Variants in WDR41 observed in about 807,000 individuals in gnomAD.
The protein encoded by WDR41 is WD repeat domain 41.
WDR41 carries 63 observed loss-of-function variants against 69.3 expected under a neutral mutation model. The ratio of observed to expected loss-of-function variants is 0.91; its 90% confidence interval spans 0.74 to 1.12. The LOEUF is 1.12. WDR41 is among the 50% of genes most tolerant of loss of function. The pLI, the probability that WDR41 is intolerant of heterozygous loss-of-function variation, is 0.00. For missense variants in WDR41, 543 were observed against 534.5 expected (o/e 1.02, Z -0.16); for synonymous variants, 185 against 192.1 (o/e 0.96, Z 0.31).
At chr5:77,594,037 C>T (rs1744175883) in intron 1 of WDR41, among the ~76,000 whole-genome samples, 1 of 151,854 alleles carries the variant, frequency 6.6e-6, no homozygotes, top group Non-Finnish European at 1.5e-5. Flanking sequence ...ATGATAGATA[C>T]ATAGATAGAT....
rs1485779848 is a variant in WDR41 at position 77,489,936 on chromosome 5, G to C, written c.52-364C>G. On this transcript the variant is annotated intron_variant, in intron 1 of 12. Transcript: ENST00000296679. ...AACATTTTAGAATGCATGTTTCTCA[G>C]TTAAAATGTGGCAGAAACAAAACTG... Among the ~76,000 whole-genome samples, 6 of 152,254 alleles carry C rather than the reference G, an allele frequency of 3.9e-5. No individual in the cohort carries two copies. In the East Asian group the frequency reaches 9.7e-4, roughly 24 times the overall value.
chr5:77,593,994 C>T (rs1744175268), intron 1 of WDR41, among the ~76,000 whole-genome samples: 1 of 151,612 alleles, frequency 6.6e-6, no homozygotes, highest in African/African-American at 2.4e-5. Context: ...GCAGGACTAC[C>T]TCAAAATAAG....
At chr5:77,518,658 T>G (rs1443385849) in intron 1 of WDR41, among the ~76,000 whole-genome samples, 1 of 152,148 alleles carries the variant, frequency 6.6e-6, no homozygotes, top group Non-Finnish European at 1.5e-5. Flanking sequence ...TTAATTTGTT[T>G]ATTTATTCAT....
rs1554032661 is a variant in WDR41, at chr5:77,489,581, G to GA, written c.52-10dup. The GA allele has an allele frequency of 0.017, 17,041 of 991,896 alleles. 1 individual carries two copies. The highest frequency in any genetic ancestry group is 0.019 in the Non-Finnish European group (14,094 of 724,502). 61.4% of individuals were successfully genotyped at this position (991,896 alleles called of 1,614,324 possible). A position where few individuals can be genotyped will look rare whatever the true frequency, so the allele number is the denominator to read the frequency against. Reference sequence around the variant, plus strand: ...GTCTGTAAAGGAGATTTCTTGTATTGAAAAAAAAAAAAAAGCAAAAAACAA... The same window carrying GA: ...GTCTGTAAAGGAGATTTCTTGTATTGAAAAAAAAAAAAAAAGCAAAAAACAA... On this transcript the variant is annotated splice_polypyrimidine_tract_variant and intron_variant, in intron 1 of 12. Transcript: ENST00000296679.
chr5:77,514,897 A>G (rs1431878992), intron 1 of WDR41, among the ~76,000 whole-genome samples: 1 of 152,206 alleles, frequency 6.6e-6, no homozygotes, highest in Non-Finnish European at 1.5e-5. Context: ...AAAAGGGTCT[A>G]CTTGTATAGA....
intron 2 of WDR41, among the ~76,000 whole-genome samples, chr5:77,471,074 G>A (rs566078976): frequency 3.3e-4 from 50 of 152,242 alleles, no homozygotes; most frequent in African/African-American, 1.2e-3. Context: ...ATAACAAAAT[G>A]TCTCTCAGAC....
chr5:77,618,625 G>A (rs952783969), intron 1 of WDR41, among the ~76,000 whole-genome samples: 1 of 152,068 alleles, frequency 6.6e-6, no homozygotes, highest in Non-Finnish European at 1.5e-5. Context: ...CACCTGCCTC[G>A]GCCTCCTGAA....
At chr5:77,509,914 C>A (rs1007730864) in intron 1 of WDR41, among the ~76,000 whole-genome samples, 1 of 152,186 alleles carries the variant, frequency 6.6e-6, no homozygotes, top group African/African-American at 2.4e-5. Context: ...CTGAAGTTGT[C>A]ATTGAATCTT....
At chr5:77,434,070 C>G (rs982909411) in intron 12 of WDR41, among the ~76,000 whole-genome samples, 2 of 152,194 alleles carry the variant, frequency 1.3e-5, no homozygotes, top group African/African-American at 4.8e-5. Flanking sequence ...TGGCTCACAC[C>G]TGTAATCTCA....
At chr5:77,447,094 C>G (rs1799414692) in intron 8 of WDR41, among the ~76,000 whole-genome samples, 2 of 152,102 alleles carry the variant, frequency 1.3e-5, no homozygotes, top group African/African-American at 2.4e-5. Context: ...ACAACCCCAT[C>G]AAAAAGTGGG....
chr5:77,452,146 T>C (rs1799652904), intron 6 of WDR41: 1 of 152,160 alleles, frequency 6.6e-6, no homozygotes, highest in African/African-American at 2.4e-5. Context: ...TGTTGTGATT[T>C]GGATAGTATT....
intron 1 of WDR41, among the ~76,000 whole-genome samples, chr5:77,505,403 C>T (rs1802089655): frequency 1.3e-5 from 2 of 152,136 alleles, no homozygotes; most frequent in African/African-American, 2.4e-5. Flanking sequence ...GAAGAACATT[C>T]CATGCTCATG....
chr5:77,528,638 A>C (rs1433275333), intron 1 of WDR41, among the ~76,000 whole-genome samples: 1 of 151,770 alleles, frequency 6.6e-6, no homozygotes, highest in African/African-American at 2.4e-5. Flanking sequence ...CAAACATAAA[A>C]TATTAGCAAG....
intron 2 of WDR41, among the ~76,000 whole-genome samples, chr5:77,475,962 C>A (rs1800903905): frequency 6.6e-6 from 1 of 151,950 alleles, no homozygotes; most frequent in African/African-American, 2.4e-5. Context: ...ATAACCAATA[C>A]AGAGAAGTGC....
At chr5:77,602,594 T>C (rs1744345014) in intron 1 of WDR41, among the ~76,000 whole-genome samples, 1 of 152,160 alleles carries the variant, frequency 6.6e-6, no homozygotes, top group South Asian at 2.1e-4. Context: ...TTTTTTTTTC[T>C]ATGATCAAAT....
intron 1 of WDR41, among the ~76,000 whole-genome samples, chr5:77,497,670 A>G (rs1181275957): frequency 1.1e-5 from 1 of 91,618 alleles, no homozygotes; most frequent in East Asian, 3.1e-4. Flanking sequence ...TGGAGCAGCC[A>G]CTGTGAAAAA....
At position 77,463,309 on chromosome 5, in the gene WDR41, T is replaced by C. The variant is rs992574831; in HGVS notation, c.217-83A>G. 2.3e-6 allele frequency: 3 copies of C among 1,301,918 alleles called. No homozygotes were observed. The African/African-American group carries it at 4.5e-5, about 19-fold the overall frequency. The allele number at this position is 1,301,918 out of a possible 1,614,324, so 80.6% of individuals were successfully genotyped here. ...ATGACTACATTAAGTACAACTACCA[T>C]ATAGAAGATACATATACATTCCATT... On this transcript the variant is annotated intron_variant, in intron 3 of 12. Coordinates refer to ENST00000296679, the MANE Select transcript of WDR41 (RefSeq NM_018268.4).
chr5:77,544,082 T>C (rs1249191080), intron 1 of WDR41, among the ~76,000 whole-genome samples: 1 of 152,038 alleles, frequency 6.6e-6, no homozygotes, highest in Non-Finnish European at 1.5e-5. Context: ...AGGTACAGTC[T>C]TTCTCAAACA....
chr5:77,568,483 C>G lies in WDR41; in HGVS notation c.42+51996G>C, dbSNP rs188198856. On this transcript the variant is annotated intron_variant, in intron 1 of 5. Coordinates refer to the WDR41 transcript ENST00000509971. Reference sequence around the variant, plus strand: ...GCTCTGCTAGCTGGGAATGAAATTGCTTGTCCCTATTTCTTCTGCTCTATA... The same window carrying G: ...GCTCTGCTAGCTGGGAATGAAATTGGTTGTCCCTATTTCTTCTGCTCTATA... 3.6e-3 allele frequency among the ~76,000 whole-genome samples: 543 copies of G among 152,272 alleles called. 2 individuals carry two copies. Among genetic ancestry groups the G allele is most frequent in the African/African-American group, 0.012 (506 of 41,554 alleles).
Sources: gnomAD v4.1 joint callset for allele counts (sites outside exome capture counted in the v4.1 genomes callset) on GRCh38, gnomAD v4.1.1 for gene constraint, MANE v1.5 for transcripts, NCBI Gene and HGNC (gene_info 2026-07-23, HGNC 2026-07-21) for gene names.